MDN1: variants seen among roughly 807,000 people sequenced by gnomAD.
The protein encoded by MDN1 is midasin.
In MDN1, 266 loss-of-function variants were observed where a neutral mutation model predicts 669.2. The ratio of observed to expected loss-of-function variants is 0.40; its 90% confidence interval spans 0.36 to 0.44. The LOEUF (loss-of-function observed/expected upper bound fraction) is 0.44. Among genes scored for constraint, MDN1 ranks in the 20% least tolerant of loss-of-function variants. The pLI, the probability that MDN1 is intolerant of heterozygous loss-of-function variation, is 1.00. For missense variants in MDN1, 5,940 were observed against 6,754.0 expected, an observed-to-expected ratio of 0.88 and a Z score of 4.22; for synonymous variants, 2,385 against 2,457.1, an observed-to-expected ratio of 0.97 and a Z score of 0.87.
Position 89,700,768 on chromosome 6 carries a change from C to T in MDN1, c.8516G>A (p.Ser2839Asn), listed in dbSNP as rs1247697718. 1 of 1,614,208 alleles carries T rather than the reference C, an allele frequency of 6.2e-7. No individual in the cohort carries two copies. The change falls in exon 56 of 102, where the codon AGT becomes AAT. Residue 2839 changes from serine to asparagine, a missense_variant. Ser to Asn is a conservative substitution (Grantham distance 46). Transcript: ENST00000369393. ...ACGGTTAATGTCTTCCTGCCATCCA[C>T]TCTCCCCAAGGGCAGACATCTGCTC... ...IREQMSALGESGWQEDINRLQ... is the reference protein window; with the variant it reads ...IREQMSALGENGWQEDINRLQ...
At position 89,793,800 on chromosome 6, in the gene MDN1, C is replaced by T. The variant is rs757671139; in HGVS notation, c.817G>A (p.Val273Met). 8 of 1,614,150 alleles carry T rather than the reference C, an allele frequency of 5.0e-6. No homozygotes were observed. Among genetic ancestry groups the T allele is most frequent in the Non-Finnish European group, 6.8e-6 (8 of 1,180,016 alleles). Residue 273 changes from valine to methionine, a missense_variant, in exon 5 of 102, where the codon GTG becomes ATG. Val to Met is a conservative substitution (Grantham distance 21). This residue lies in a region of MDN1 where 1,203 missense variants were observed against 1,268.9 expected (regional missense o/e 0.95). Coordinates refer to ENST00000369393, the MANE Select transcript of MDN1 (RefSeq NM_014611.3). ...LSPRVTAVCG[V>M]VLPGQLPAPG... ...GCTGGCAGCTGCCCAGGCAGCACCA[C>T]ACCACAAACAGCTGTCACCCTAGGG... is the stretch of plus-strand genomic sequence containing the variant.
chr6:89,647,557 A>G (rs1584076742), intron 99 of MDN1, among the ~76,000 whole-genome samples: 1 of 152,212 alleles, frequency 6.6e-6, no homozygotes, highest in African/African-American at 2.4e-5. Flanking sequence ...TCCTTGAGGA[A>G]CTGAGAAAAA....
Position 89,776,641 on chromosome 6 carries a change from C to T in MDN1, c.1780G>A (p.Ala594Thr), listed in dbSNP as rs763126337. 5.0e-6 allele frequency: 8 copies of T among 1,613,408 alleles called. No individual in the cohort carries two copies. The highest frequency in any genetic ancestry group is 5.9e-6 in the Non-Finnish European group (7 of 1,179,444). ...TTCAATTTGCTTCCAATAACTTCTG[C>T]CATTTTCAGTTTGCTTGTATGCTCA... ...LSEHTSKLKM[A>T]EVIGSKLNIS... is the part of the protein sequence containing the mutation. Residue 594 changes from alanine to threonine, a missense_variant, in exon 12 of 102, where the codon GCA (alanine) becomes ACA (threonine). This residue lies in a region of MDN1 where 1,203 missense variants were observed against 1,268.9 expected (regional missense o/e 0.95). Transcript: ENST00000369393.
At chr6:89,758,522 T>C (rs1817370569) in intron 18 of MDN1, among the ~76,000 whole-genome samples, 171 bp from the exon 19 acceptor site, 1 of 152,204 alleles carries the variant, frequency 6.6e-6, no homozygotes, top group Non-Finnish European at 1.5e-5. Flanking sequence ...TACTGCAGTC[T>C]TTTGCGGTAT....
chr6:89,685,111 G>A, intron 70 of MDN1, 126 bp from the exon 71 acceptor site: 1 of 586,796 alleles, frequency 1.7e-6, no homozygotes, highest in Non-Finnish European at 3.0e-6. Context: ...ATTACAGTGA[G>A]TTTCACAGGT....
intron 38 of MDN1, among the ~76,000 whole-genome samples, chr6:89,724,863 A>T (rs1815109775): frequency 6.6e-6 from 1 of 152,200 alleles, no homozygotes; most frequent in Admixed American, 6.5e-5. Flanking sequence ...ATTATTTTCA[A>T]TAAAAATTTT....
intron 5 of MDN1, among the ~76,000 whole-genome samples, chr6:89,791,171 T>C (rs1055931070): frequency 6.6e-6 from 1 of 152,110 alleles, no homozygotes; most frequent in Admixed American, 6.6e-5. Flanking sequence ...TCTTCCAAAG[T>C]TTAAGTAGCC....
Position 89,758,315 on chromosome 6 carries a change from G to A in MDN1, c.2642C>T (p.Ala881Val). 1.9e-6 allele frequency: 3 copies of A among 1,611,694 alleles called. No individual in the cohort carries two copies. Among genetic ancestry groups the A allele is most frequent in the Non-Finnish European group, 2.5e-6 (3 of 1,178,852 alleles). Residue 881 changes from alanine to valine, a missense_variant, in exon 19 of 102, where the codon GCC (alanine) becomes GTC (valine). Coordinates refer to ENST00000369393, the MANE Select transcript of MDN1 (RefSeq NM_014611.3). ...LVRHPDFRLF[A>V]CMNPATDVGK... ...TACATCAGTTGCTGGATTCATACAG[G>A]CAAATAAACGGAAGTCAGGATGCCG...
intron 15 of MDN1, among the ~76,000 whole-genome samples, chr6:89,766,692 A>G (rs934369503): frequency 2.6e-5 from 4 of 152,216 alleles, no homozygotes; most frequent in African/African-American, 9.6e-5. Context: ...AAATTATAAC[A>G]TGTGAAACAA....
chr6:89,674,749 C>T (rs1487581469), intron 78 of MDN1, among the ~76,000 whole-genome samples, 160 bp from the exon 79 acceptor site: 1 of 152,178 alleles, frequency 6.6e-6, no homozygotes, highest in Non-Finnish European at 1.5e-5. Context: ...GTTAAAATGC[C>T]TCCCAAAGTA....
chr6:89,740,674 A>G (rs2128316849), intron 31 of MDN1, among the ~76,000 whole-genome samples: 1 of 152,366 alleles, frequency 6.6e-6, no homozygotes, highest in South Asian at 2.1e-4. Flanking sequence ...CATAATAGCC[A>G]ACTACTAGAA....
rs773786605 is a variant in MDN1 at position 89,781,497 on chromosome 6, A to T, written c.1545T>A (p.Ser515Arg). 1.4e-5 allele frequency: 23 copies of T among 1,613,812 alleles called. No individual in the cohort carries two copies. The highest frequency in any genetic ancestry group is 1.8e-5 in the Non-Finnish European group (21 of 1,179,906). The change falls in exon 10 of 102, where the codon AGT (serine) becomes AGA (arginine). Residue 515 changes from serine to arginine, a missense_variant. Ser to Arg is a moderately radical substitution (Grantham distance 110). This residue lies in a region of MDN1 where 1,203 missense variants were observed against 1,268.9 expected (regional missense o/e 0.95). Coordinates refer to ENST00000369393, the MANE Select transcript of MDN1 (RefSeq NM_014611.3). ...QLTGEKHHSW[S>R]DSSVGCEQAP... ...CCTGTTCACATCCAACAGAACTATCACTCCAAGAGTGATGTTTCTCTCCAG... is the reference window on the plus strand; with the variant it reads ...CCTGTTCACATCCAACAGAACTATCTCTCCAAGAGTGATGTTTCTCTCCAG...
At chr6:89,649,801 ATC>A (rs1216908765) in intron 97 of MDN1, among the ~76,000 whole-genome samples, 9 of 152,366 alleles carry the variant, frequency 5.9e-5, no homozygotes, top group Admixed American at 5.9e-4. Context: ...AAACTAACAC[ATC>A]TGAGACATCC....
intron 97 of MDN1, among the ~76,000 whole-genome samples, chr6:89,649,579 T>C (rs1808712796): frequency 1.3e-5 from 2 of 152,188 alleles, no homozygotes; most frequent in Non-Finnish European, 2.9e-5. Context: ...TCTGGATAAT[T>C]TCAGATATAA....
At chr6:89,674,688 G>A in intron 78 of MDN1, 99 bp from the exon 79 acceptor site, 1 of 1,446,090 alleles carries the variant, frequency 6.9e-7, no homozygotes, top group Non-Finnish European at 9.2e-7. Context: ...ACAAGCATGG[G>A]CTTTTTCATA....
At chr6:89,785,309 C>T (rs1351412604) in intron 8 of MDN1, among the ~76,000 whole-genome samples, 183 bp from the exon 9 acceptor site, 2 of 152,194 alleles carry the variant, frequency 1.3e-5, no homozygotes, top group South Asian at 2.1e-4. Context: ...TGACAGTTAA[C>T]CCATGTTTGG....
chr6:89,694,778 C>T (rs1275666776), intron 61 of MDN1, among the ~76,000 whole-genome samples: 2 of 151,656 alleles, frequency 1.3e-5, no homozygotes, highest in African/African-American at 4.8e-5. Context: ...GTCTCAAACT[C>T]CTGGGCTCAA....
At chr6:89,743,424 G>T in intron 30 of MDN1, 144 bp from the exon 31 acceptor site, 1 of 1,344,396 alleles carries the variant, frequency 7.4e-7, no homozygotes, top group Non-Finnish European at 1.0e-6. Flanking sequence ...TTGCACACCA[G>T]AATGCTTGTG....
At position 89,712,955 on chromosome 6, in the gene MDN1, A is replaced by T. The variant is rs1814055529; in HGVS notation, c.7219-169T>A. Among the ~76,000 whole-genome samples, 1 of 4,342 alleles carries T rather than the reference A, an allele frequency of 2.3e-4. No individual in the cohort carries two copies. The highest frequency in any genetic ancestry group is 0.011 in the South Asian group (1 of 92). The allele number at this position is 4,342 out of a possible 152,430, so 2.8% of individuals were successfully genotyped here. ...CTTTTCCTGATGACATGTAAGTTTA[A>T]AAAAAAAAAAAAAGGAATATTTACA... is the stretch of plus-strand genomic sequence containing the variant. On this transcript the variant is annotated intron_variant, in intron 47 of 101. Transcript: ENST00000369393.
Sources: allele counts gnomAD v4.1 joint callset (sites outside exome capture counted in the v4.1 genomes callset), GRCh38; gene constraint gnomAD v4.1.1; regional missense constraint gnomAD v4.1.1; transcripts MANE v1.5; gene names NCBI Gene and HGNC (gene_info 2026-07-23, HGNC 2026-07-21).